EXPH5: variants seen among roughly 807,000 people sequenced by gnomAD.
EXPH5 encodes the protein exophilin-5.
A neutral mutation model predicts 41.1 loss-of-function variants in EXPH5; 42 were observed. That is an observed-to-expected ratio of 1.02 (90% CI 0.80 to 1.32). The LOEUF (loss-of-function observed/expected upper bound fraction) is 1.32. Among genes scored for constraint, EXPH5 ranks in the 40% most tolerant of loss-of-function variants. The pLI is 0.00. For missense variants in EXPH5, 2,298 were observed against 2,314.5 expected, an observed-to-expected ratio of 0.99 and a Z score of 0.15; for synonymous variants, 798 against 833.5, an observed-to-expected ratio of 0.96 and a Z score of 0.73.
In EXPH5 at chr11:108,547,808, A is replaced by C. The variant is rs540710006; in HGVS notation, c.120-5996T>G. Among the ~76,000 whole-genome samples, 44 of 152,120 alleles carry C rather than the reference A, an allele frequency of 2.9e-4. 1 individual carries two copies. The South Asian group carries it at 8.7e-3, about 30-fold the overall frequency. On this transcript the variant is annotated intron_variant, in intron 1 of 5. Transcript: ENST00000265843. ...TGACTTGGCAATTGAGCGTTTCGTC[A>C]ATTTTTAAATCAGTGTCTTGGCTGG...
intron 1 of EXPH5, among the ~76,000 whole-genome samples, chr11:108,572,271 C>T (rs777517576): frequency 9.2e-5 from 14 of 152,140 alleles, no homozygotes; most frequent in Non-Finnish European, 1.6e-4. Flanking sequence ...TAAATAGCTC[C>T]GGGGCAGAAG....
chr11:108,512,260 T>G lies in EXPH5; in HGVS notation c.3247A>C (p.Lys1083Gln). 4 of 1,612,652 alleles carry G rather than the reference T, an allele frequency of 2.5e-6. No homozygotes were observed. The highest frequency in any genetic ancestry group is 3.4e-6 in the Non-Finnish European group (4 of 1,179,546). ...SSPESANECS[K>Q]VLSDSALEAP... is the part of the protein sequence containing the mutation. The stretch of plus-strand genomic sequence containing the variant: ...TCCAGGGCTGAGTCTGAAAGGACTT[T>G]GGAACATTCATTCGCTGACTCAGGA... Residue 1083 changes from lysine (K) to glutamine (Q), a missense_variant, in exon 6 of 6, where the codon AAA (lysine) becomes CAA (glutamine). By Grantham distance (53) the Lys-to-Gln change is moderately conservative. Transcript: ENST00000265843.
chr11:108,538,331 C>T lies in EXPH5; in HGVS notation c.443+693G>A, dbSNP rs559421227. The T allele has an allele frequency of 1.0e-4, 77 of 752,634 alleles. No individual in the cohort carries two copies. The South Asian group carries it at 4.2e-3, about 41-fold the overall frequency. The allele number at this position is 752,634 out of a possible 1,614,324, so 46.6% of individuals were successfully genotyped here. A position where few individuals can be genotyped will look rare whatever the true frequency, so the allele number is the denominator to read the frequency against. ...TGCCGAAAATATTTAGCAGTCAGCTCAATTGCACTTAAGCATAGCCTTGCT... is the reference window on the plus strand; with the variant it reads ...TGCCGAAAATATTTAGCAGTCAGCTTAATTGCACTTAAGCATAGCCTTGCT... On this transcript the variant is annotated intron_variant, in intron 3 of 5. Coordinates refer to ENST00000265843, the MANE Select transcript of EXPH5 (RefSeq NM_015065.3).
chr11:108,523,109 C>T (rs2093775700), intron 4 of EXPH5, among the ~76,000 whole-genome samples: 1 of 150,568 alleles, frequency 6.6e-6, no homozygotes, highest in Non-Finnish European at 1.5e-5. Flanking sequence ...CTCCTGGGTG[C>T]AAGCAACCCT....
chr11:108,564,776 T>C (rs1458564962), intron 1 of EXPH5, among the ~76,000 whole-genome samples: 1 of 152,206 alleles, frequency 6.6e-6, no homozygotes, highest in African/African-American at 2.4e-5. Context: ...CCAATGTTAG[T>C]TATGTCTATT....
rs1357763657 is a variant in EXPH5 at position 108,523,488 on chromosome 11, T to G, written c.492+4648A>C. 3.9e-5 allele frequency among the ~76,000 whole-genome samples: 6 copies of G among 152,224 alleles called. No homozygotes were observed. The East Asian group carries it at 1.2e-3, about 29-fold the overall frequency. On this transcript the variant is annotated intron_variant, in intron 4 of 5. Transcript: ENST00000265843. ...GGTAAACTCTCTGAAGAAAGGAAAC[T>G]TGTCTTAGACATTCCATGCCTTTCA...
chr11:108,510,686 A>G lies in EXPH5; in HGVS notation c.4821T>C (p.Ala1607=), dbSNP rs2093673372. Residue 1607 remains alanine, a synonymous_variant, in exon 6 of 6, where the codon GCT becomes GCC. Coordinates refer to ENST00000265843, the MANE Select transcript of EXPH5 (RefSeq NM_015065.3). ...CATGTCTTCTGGGGCTTACATCTTT[A>G]GCTGGGAATTTTCTGCTGGCTTTAG... The part of the protein sequence containing the change: ...AMSKASRKFP[A]KDVSPRRHVA... The G allele has an allele frequency of 6.2e-7, 1 of 1,614,054 alleles. No individual in the cohort carries two copies. Among genetic ancestry groups the G allele is most frequent in the African/African-American group, 1.3e-5 (1 of 74,926 alleles).
At chr11:108,521,075 TC>T (rs2093762258) in intron 4 of EXPH5, among the ~76,000 whole-genome samples, 2 of 152,136 alleles carry the variant, frequency 1.3e-5, no homozygotes, top group African/African-American at 4.8e-5. Flanking sequence ...CCTGCACTCA[TC>T]CACTTCCCTT....
At position 108,528,689 on chromosome 11, in the gene EXPH5, C is replaced by G. The variant is rs201861891; in HGVS notation, c.444-505G>C. 7.3e-3 allele frequency among the ~76,000 whole-genome samples: 950 copies of G among 130,050 alleles called. 8 individuals carry two copies. The highest frequency in any genetic ancestry group is 0.026 in the African/African-American group (903 of 35,252). 85.3% of individuals were successfully genotyped at this position (130,050 alleles called of 152,430 possible). A position where few individuals can be genotyped will look rare whatever the true frequency, so the allele number is the denominator to read the frequency against. On this transcript the variant is annotated intron_variant, in intron 3 of 5. Coordinates refer to ENST00000265843, the MANE Select transcript of EXPH5 (RefSeq NM_015065.3). ...GAGCCCTCTTTCTTTTCTTTTTTTTCTTTCCCTTTTTTTTTTTTTTTTTTT... is the reference window on the plus strand; with the variant it reads ...GAGCCCTCTTTCTTTTCTTTTTTTTGTTTCCCTTTTTTTTTTTTTTTTTTT...
Position 108,509,533 on chromosome 11 carries a change from A to G in EXPH5, c.*4T>C. 1 of 1,534,258 alleles carries G rather than the reference A, an allele frequency of 6.5e-7. No individual in the cohort carries two copies. The highest frequency in any genetic ancestry group is 2.3e-5 in the East Asian group (1 of 44,400). On this transcript the variant is annotated 3_prime_UTR_variant, in exon 6 of 6. Coordinates refer to ENST00000265843, the MANE Select transcript of EXPH5 (RefSeq NM_015065.3). Reference sequence around the variant, plus strand: ...AAAAAGTAAAGCATTTTATTGAAAAAGCCTCACAGTTCTGACTCTTTGTCA... The same window carrying G: ...AAAAAGTAAAGCATTTTATTGAAAAGGCCTCACAGTTCTGACTCTTTGTCA...
At chr11:108,528,285 A>G in intron 3 of EXPH5, 101 bp from the exon 4 acceptor site, 1 of 766,750 alleles carries the variant, frequency 1.3e-6, no homozygotes, top group East Asian at 2.5e-5. Context: ...ACACCTTGAG[A>G]AGATCTATTT....
the EXPH5 span, among the ~76,000 whole-genome samples, chr11:108,601,660 T>C: frequency 3.5e-4 from 54 of 152,338 alleles, no homozygotes; most frequent in East Asian, 0.01. Context: ...AGTATTTGAA[T>C]ATGAAATGAT....
At chr11:108,599,635 T>C in the EXPH5 span, among the ~76,000 whole-genome samples, 1 of 152,238 alleles carries the variant, frequency 6.6e-6, no homozygotes, top group African/African-American at 2.4e-5. Flanking sequence ...TGGCATTTTA[T>C]AGTATTCACT....
upstream of EXPH5, chr11:108,593,877 C>T (rs2094134724): frequency 3.7e-6 from 3 of 806,042 alleles, no homozygotes; most frequent in Non-Finnish European, 6.0e-6. Context: ...TCCCCTCCCT[C>T]GTCCCCTCCG....
chr11:108,562,557 T>C (rs1367815857), intron 1 of EXPH5, among the ~76,000 whole-genome samples: 3 of 152,074 alleles, frequency 2.0e-5, no homozygotes, highest in African/African-American at 4.8e-5. Flanking sequence ...TGCAGTGAGC[T>C]GAGATCGCAC....
At chr11:108,530,128 A>G (rs1591697563) in intron 3 of EXPH5, among the ~76,000 whole-genome samples, 1 of 152,240 alleles carries the variant, frequency 6.6e-6, no homozygotes, top group East Asian at 1.9e-4. Context: ...GCAGAAATTG[A>G]AATGAAAACT....
intron 1 of EXPH5, among the ~76,000 whole-genome samples, chr11:108,550,061 A>C (rs2093956299): frequency 1.3e-5 from 2 of 152,204 alleles, no homozygotes; most frequent in African/African-American, 4.8e-5. Context: ...CTTTGAAGTA[A>C]GACTGAGCCA....
rs766977314 is a variant in EXPH5, at chr11:108,538,996, GC to G, written c.443+27del. ...GCCTCTGATATCGGATAACAAATGGGCCGTAACATGACCTGAGTTTAACTCA... is the reference window on the plus strand; with the variant it reads ...GCCTCTGATATCGGATAACAAATGGGCGTAACATGACCTGAGTTTAACTCA... On this transcript the variant is annotated intron_variant, in intron 3 of 5. Transcript: ENST00000265843. 40 of 1,538,980 alleles carry G rather than the reference GC, an allele frequency of 2.6e-5. No individual in the cohort carries two copies. The Middle Eastern group carries it at 7.0e-4, about 27-fold the overall frequency.
chr11:108,554,574 TG>T (rs1555196275), intron 1 of EXPH5, among the ~76,000 whole-genome samples: 1 of 151,912 alleles, frequency 6.6e-6, no homozygotes, highest in Non-Finnish European at 1.5e-5. Context: ...ATAATGGGGT[TG>T]GGGGTGGGAA....
Sources: allele counts gnomAD v4.1 joint callset (sites outside exome capture counted in the v4.1 genomes callset), GRCh38; gene constraint gnomAD v4.1.1; transcripts MANE v1.5; gene names NCBI Gene and HGNC (gene_info 2026-07-23, HGNC 2026-07-21).